The following HDAC9 variants were observed in gnomAD, a reference collection of about 807,000 sequenced individuals.
HDAC9 encodes MEF-2 interacting transcription repressor (MITR) protein.
A neutral mutation model predicts 139.4 loss-of-function variants in HDAC9; 41 were observed. That is an observed-to-expected ratio of 0.29 (90% confidence interval 0.23 to 0.38). HDAC9 has a LOEUF of 0.38. Ranked by LOEUF, HDAC9 falls within the 10% of genes least tolerant of loss-of-function variation. HDAC9 has a pLI of 1.00. For missense variants in HDAC9, 1,147 were observed against 1,297.0 expected, an observed-to-expected ratio of 0.88 and a Z score of 1.78; for synonymous variants, 517 against 476.2, an observed-to-expected ratio of 1.09 and a Z score of -1.12.
rs189312933 is a variant in HDAC9, at chr7:18,889,713, G to A, written c.2803+15117G>A. 3.5e-4 allele frequency among the ~76,000 whole-genome samples: 54 copies of A among 152,158 alleles called. No individual in the cohort carries two copies. In the Middle Eastern group the frequency reaches 0.01, roughly 29 times the overall value. Reference sequence around the variant, plus strand: ...TGCCACTTTTCTTCTTTGTTTTGTCGTTGAGATAGTGTCTTGCTCTGTCAC... The same window carrying A: ...TGCCACTTTTCTTCTTTGTTTTGTCATTGAGATAGTGTCTTGCTCTGTCAC... On this transcript the variant is annotated intron_variant, in intron 22 of 25. Coordinates refer to ENST00000686413, the MANE Select transcript of HDAC9 (RefSeq NM_178425.4).
chr7:18,108,104 G>C (rs924648023), intron 1 of HDAC9, among the ~76,000 whole-genome samples: 1 of 152,208 alleles, frequency 6.6e-6, no homozygotes, highest in Non-Finnish European at 1.5e-5. Context: ...AGCTACATGA[G>C]AAGCAAGGGA....
intron 12 of HDAC9, among the ~76,000 whole-genome samples, chr7:18,722,076 G>T (rs1038080679): frequency 2.0e-5 from 3 of 152,182 alleles, no homozygotes; most frequent in African/African-American, 7.2e-5. Context: ...ATCAGTGGGA[G>T]TGGACAGATG....
At chr7:18,601,967 T>A (rs13229874) in intron 6 of HDAC9, among the ~76,000 whole-genome samples, 30,358 of 152,128 alleles carry the variant, frequency 0.2, 3,283 homozygotes, top group Non-Finnish European at 0.24. Flanking sequence ...GGCAGTATGG[T>A]AATGCTGTCC....
intron 21 of HDAC9, among the ~76,000 whole-genome samples, chr7:18,865,371 C>A (rs1798414206): frequency 6.6e-6 from 1 of 151,794 alleles, no homozygotes; most frequent in South Asian, 2.1e-4. Context: ...AAAATTGAGG[C>A]AATAAAAAAG....
At chr7:18,907,839 A>G (rs1802400661) in intron 22 of HDAC9, among the ~76,000 whole-genome samples, 1 of 152,196 alleles carries the variant, frequency 6.6e-6, no homozygotes. Context: ...ATCCATATGC[A>G]GAAGTTTGAA....
intron 14 of HDAC9, among the ~76,000 whole-genome samples, chr7:18,753,990 G>A (rs577250719): frequency 1.3e-4 from 20 of 152,180 alleles, no homozygotes; most frequent in African/African-American, 4.8e-4. Context: ...TAGTTTGTAA[G>A]CTATAGTGTA....
intron 22 of HDAC9, among the ~76,000 whole-genome samples, chr7:18,881,358 T>A (rs772379395): frequency 1.3e-5 from 2 of 152,072 alleles, no homozygotes; most frequent in Non-Finnish European, 2.9e-5. Context: ...GATTCTAAGG[T>A]CCTCTCTTCT....
intron 6 of HDAC9, among the ~76,000 whole-genome samples, chr7:18,607,011 G>T (rs893782211): frequency 6.6e-6 from 1 of 151,964 alleles, no homozygotes; most frequent in Non-Finnish European, 1.5e-5. Flanking sequence ...TAATACAAAT[G>T]TATAATTTAT....
At position 18,880,846 on chromosome 7, in the gene HDAC9, G is replaced by C. The variant is rs1032164171; in HGVS notation, c.2803+6250G>C. 8.3e-5 allele frequency among the ~76,000 whole-genome samples: 11 copies of C among 132,066 alleles called. 1 individual carries two copies. The East Asian group carries it at 1.6e-3, about 19-fold the overall frequency. 86.6% of individuals were successfully genotyped at this position (132,066 alleles called of 152,430 possible). On this transcript the variant is annotated intron_variant, in intron 22 of 25. Transcript: ENST00000686413. ...AAAAAGAATAGTTAATAGTTGCCGG[G>C]GGGGGGGGAACCAAATAACAAAGCT...
At chr7:18,207,009 C>T (rs187873739) in intron 2 of HDAC9, among the ~76,000 whole-genome samples, 1 of 149,590 alleles carries the variant, frequency 6.7e-6, no homozygotes, top group East Asian at 2.0e-4. Context: ...CATATTGGCT[C>T]ACAGCAACCC....
intron 24 of HDAC9, among the ~76,000 whole-genome samples, chr7:18,962,351 C>T (rs1783580647): frequency 6.6e-6 from 1 of 152,138 alleles, no homozygotes; most frequent in South Asian, 2.1e-4. Context: ...CCAGGTCAGA[C>T]TTGTACACAT....
intron 21 of HDAC9, among the ~76,000 whole-genome samples, chr7:18,859,029 T>C (rs1177715346): frequency 6.6e-6 from 1 of 152,200 alleles, no homozygotes; most frequent in Admixed American, 6.6e-5. Context: ...AACGTGATCT[T>C]TGGATTCAGA....
At chr7:18,836,390 C>G (rs1796239596) in intron 21 of HDAC9, among the ~76,000 whole-genome samples, 1 of 152,102 alleles carries the variant, frequency 6.6e-6, no homozygotes, top group Non-Finnish European at 1.5e-5. Context: ...CTACAGAATC[C>G]CTTTTTTACA....
chr7:18,276,871 T>A (rs978347894), intron 2 of HDAC9, among the ~76,000 whole-genome samples: 1 of 152,218 alleles, frequency 6.6e-6, no homozygotes, highest in Non-Finnish European at 1.5e-5. Flanking sequence ...GTATTCATAG[T>A]TGACAGTGAC....
chr7:18,838,385 C>A (rs1297344449), intron 21 of HDAC9, among the ~76,000 whole-genome samples: 1 of 151,982 alleles, frequency 6.6e-6, no homozygotes, highest in Admixed American at 6.6e-5. Context: ...TGAGTGGGAA[C>A]TTTCAAGGGG....
chr7:18,829,276 C>T, intron 18 of HDAC9, 60 bp downstream of exon 18: 1 of 1,352,120 alleles, frequency 7.4e-7, no homozygotes, highest in Admixed American at 1.7e-5. Flanking sequence ...GTCACCTGCC[C>T]CGTGCATGTT....
chr7:18,260,797 G>A (rs1795619194), intron 2 of HDAC9, among the ~76,000 whole-genome samples: 1 of 152,116 alleles, frequency 6.6e-6, no homozygotes, highest in African/African-American at 2.4e-5. Context: ...TTCTCAAAGA[G>A]CATGAATATA....
In HDAC9 at chr7:18,435,660, G is replaced by A. The variant is rs1040798435; in HGVS notation, c.-41-60602G>A. Among the ~76,000 whole-genome samples the A allele has an allele frequency of 4.7e-5, 7 of 150,432 alleles. No individual in the cohort carries two copies. In the East Asian group the frequency reaches 5.9e-4, roughly 13 times the overall value. On this transcript the variant is annotated intron_variant, in intron 1 of 3. Transcript: ENST00000413509. ...GTTATGTAGGTAAATTGCATGTCTT[G>A]GGGGTTTGGTGTACAGATTATTTAG... is the stretch of plus-strand genomic sequence containing the variant.
At chr7:18,969,368 G>A (rs1012042913) in intron 24 of HDAC9, among the ~76,000 whole-genome samples, 1 of 152,148 alleles carries the variant, frequency 6.6e-6, no homozygotes, top group Admixed American at 6.5e-5. Context: ...TCCTAACACA[G>A]TGTACAAGTG....
Sources: gnomAD v4.1 joint callset for allele counts (sites outside exome capture counted in the v4.1 genomes callset) on GRCh38, gnomAD v4.1.1 for gene constraint, MANE v1.5 for transcripts, NCBI Gene and HGNC (gene_info 2026-07-23, HGNC 2026-07-21) for gene names.